The following L1TD1 variants were observed in gnomAD, a reference collection of about 807,000 sequenced individuals.
The protein encoded by L1TD1 is LINE1 type transposase domain containing 1.
A neutral mutation model predicts 25.7 loss-of-function variants in L1TD1; 26 were observed. That is an observed-to-expected ratio of 1.01 (90% CI 0.74 to 1.40). The LOEUF (loss-of-function observed/expected upper bound fraction) is 1.40. L1TD1 is among the 40% of genes most tolerant of loss of function. The pLI is 0.00. For synonymous variants in L1TD1, 421 were observed against 335.6 expected, an observed-to-expected ratio of 1.25 and a Z score of -2.78; for missense variants, 1,130 against 975.0, an observed-to-expected ratio of 1.16 and a Z score of -2.12.
intron 2 of L1TD1, among the ~76,000 whole-genome samples, chr1:62,198,747 C>T (rs1017996675): frequency 2.6e-4 from 40 of 151,660 alleles, no homozygotes; most frequent in Non-Finnish European, 5.3e-4. Context: ...CCTTTCCAAC[C>T]GGTGCTCTCC....
chr1:62,202,759 C>T (rs1208372397), intron 2 of L1TD1, among the ~76,000 whole-genome samples: 1 of 147,706 alleles, frequency 6.8e-6, no homozygotes, highest in Non-Finnish European at 1.5e-5. Flanking sequence ...TCCCAGCTCA[C>T]TGCAACCTCC....
chr1:62,203,926 A>G (rs1670688705), intron 2 of L1TD1, among the ~76,000 whole-genome samples: 1 of 152,006 alleles, frequency 6.6e-6, no homozygotes, highest in Admixed American at 6.6e-5. Flanking sequence ...GGGTTTCGCC[A>G]TCTCGGCCAG....
intron 2 of L1TD1, among the ~76,000 whole-genome samples, chr1:62,204,656 A>G (rs945766684): frequency 2.0e-5 from 3 of 152,030 alleles, no homozygotes; most frequent in Non-Finnish European, 4.4e-5. Flanking sequence ...ATTCCACCTT[A>G]ACCTCCCAGA....
rs1252928691 is a variant in L1TD1 at position 62,210,072 on chromosome 1, A to T, written c.1298A>T (p.Glu433Val). ...GAGGAGGATGAGGCCTCAGGGCTAGAGGAGGAAGAGGAACAGACTTCAGAA... is the reference window on the plus strand; with the variant it reads ...GAGGAGGATGAGGCCTCAGGGCTAGTGGAGGAAGAGGAACAGACTTCAGAA... ...GLEEDEASGL[E>V]EEEEQTSEQD... The change falls in exon 4 of 4, where the codon GAG (glutamate) becomes GTG (valine). Residue 433 changes from glutamate to valine, a missense_variant. Coordinates refer to ENST00000498273, the MANE Select transcript of L1TD1 (RefSeq NM_019079.5). 1 of 1,614,004 alleles carries T rather than the reference A, an allele frequency of 6.2e-7. No homozygotes were observed. The highest frequency in any genetic ancestry group is 8.5e-7 in the Non-Finnish European group (1 of 1,180,024).
intron 2 of L1TD1, among the ~76,000 whole-genome samples, chr1:62,197,396 A>AT (rs1376945855): frequency 6.1e-5 from 2 of 32,804 alleles, no homozygotes; most frequent in African/African-American, 3.0e-4. Flanking sequence ...AAAAAAATAA[A>AT]TTATATATAT....
At chr1:62,204,755 A>G (rs1242215492) in intron 2 of L1TD1, among the ~76,000 whole-genome samples, 1 of 151,942 alleles carries the variant, frequency 6.6e-6, no homozygotes, top group African/African-American at 2.4e-5. Context: ...CAAGAATGAC[A>G]TTTTAGCTGC....
At chr1:62,209,637 G>A (rs1332737656) in intron 3 of L1TD1, 146 bp from the exon 4 acceptor site, 1 of 726,450 alleles carries the variant, frequency 1.4e-6, no homozygotes, top group Non-Finnish European at 2.1e-6. Context: ...AGGCCTTCAA[G>A]AACAATTAAT....
chr1:62,195,239 C>T (rs904885378), intron 1 of L1TD1, among the ~76,000 whole-genome samples: 2 of 151,986 alleles, frequency 1.3e-5, no homozygotes, highest in East Asian at 3.9e-4. Context: ...CGAGGTGCCC[C>T]AGGCAAGGCT....
intron 1 of L1TD1, among the ~76,000 whole-genome samples, chr1:62,196,188 C>G (rs1036375801): frequency 1.3e-5 from 2 of 152,098 alleles, no homozygotes; most frequent in African/African-American, 4.8e-5. Flanking sequence ...ATAATAGACC[C>G]CAACTCTCAC....
At chr1:62,209,722 C>CTT in intron 3 of L1TD1, 61 bp from the exon 4 acceptor site, 2 of 1,291,484 alleles carry the variant, frequency 1.5e-6, no homozygotes, top group African/African-American at 1.5e-5. Context: ...AATTTTAATT[C>CTT]TTTAAAAGAC....
intron 2 of L1TD1, among the ~76,000 whole-genome samples, chr1:62,199,994 C>G (rs1316976050): frequency 6.6e-6 from 1 of 152,030 alleles, no homozygotes; most frequent in African/African-American, 2.4e-5. Context: ...TTGGATTGTA[C>G]TCTATATTTT....
In L1TD1 at chr1:62,210,047, G is replaced by A; in HGVS notation, c.1273G>A (p.Glu425Lys). Residue 425 changes from glutamate (E) to lysine (K), a missense_variant, in exon 4 of 4, where the codon GAG becomes AAG. By Grantham distance (56) the Glu-to-Lys change is moderately conservative (BLOSUM62 1). Transcript: ENST00000498273. ...AGAAGAAGAAGAGGCTTCAGGGTTG[G>A]AGGAGGATGAGGCCTCAGGGCTAGA... ...EEEEEEASGL[E>K]EDEASGLEEE... is the part of the protein sequence containing the mutation. 1 of 1,613,036 alleles carries A rather than the reference G, an allele frequency of 6.2e-7. No individual in the cohort carries two copies. Among genetic ancestry groups the A allele is most frequent in the Non-Finnish European group, 8.5e-7 (1 of 1,179,288 alleles).
intron 3 of L1TD1, among the ~76,000 whole-genome samples, chr1:62,208,941 G>T (rs150231684): frequency 1.3e-3 from 195 of 150,850 alleles, no homozygotes; most frequent in African/African-American, 4.7e-3. Flanking sequence ...TTTAATCTCA[G>T]AAATTAGCTG....
intron 2 of L1TD1, among the ~76,000 whole-genome samples, chr1:62,205,954 C>T (rs1319490035): frequency 6.6e-6 from 1 of 152,092 alleles, no homozygotes; most frequent in Non-Finnish European, 1.5e-5. Context: ...TGGTCTCGAA[C>T]TCCTGGGGTC....
rs115974655 is a variant in L1TD1 at position 62,210,222 on chromosome 1, A to G, written c.1448A>G (p.Glu483Gly). The change falls in exon 4 of 4, where the codon GAA becomes GGA. Residue 483 changes from glutamate to glycine, a missense_variant. By Grantham distance (98) the Glu-to-Gly change is moderately conservative. Transcript: ENST00000498273. ...VEDSESEEEEEGKSSETGKVK... is the reference protein window; with the variant it reads ...VEDSESEEEEGGKSSETGKVK... Reference sequence around the variant, plus strand: ...GATTCTGAATCAGAGGAGGAAGAAGAAGGAAAGAGCTCTGAAACAGGAAAG... The same window carrying G: ...GATTCTGAATCAGAGGAGGAAGAAGGAGGAAAGAGCTCTGAAACAGGAAAG... 3,439 of 1,614,010 alleles carry G rather than the reference A, an allele frequency of 2.1e-3. 64 individuals are homozygous for G. The African/African-American group carries it at 0.039, about 18-fold the overall frequency.
At chr1:62,201,474 C>T (rs990065963) in intron 2 of L1TD1, among the ~76,000 whole-genome samples, 1 of 135,592 alleles carries the variant, frequency 7.4e-6, no homozygotes, top group Non-Finnish European at 1.5e-5. Flanking sequence ...CCAACCTCGG[C>T]GAGTGAGACC....
chr1:62,200,199 G>A (rs966738360), intron 2 of L1TD1, among the ~76,000 whole-genome samples: 3 of 151,972 alleles, frequency 2.0e-5, no homozygotes, highest in Non-Finnish European at 2.9e-5. Context: ...TATTTGAGAC[G>A]GAGTTTCACT....
chr1:62,207,435 A>G lies in L1TD1; in HGVS notation c.807A>G (p.Glu269=). 1 of 1,550,854 alleles carries G rather than the reference A, an allele frequency of 6.4e-7. No individual in the cohort carries two copies. Among genetic ancestry groups the G allele is most frequent in the Non-Finnish European group, 8.7e-7 (1 of 1,146,620 alleles). Residue 269 remains glutamate, a synonymous_variant, in exon 3 of 4, where the codon GAA becomes GAG. Coordinates refer to ENST00000498273, the MANE Select transcript of L1TD1 (RefSeq NM_019079.5). Reference sequence around the variant, plus strand: ...GTAATGTCTTCAACATTCTGAGAGAAAATGATTTTGAACCTAAATTTCTGT... The same window carrying G: ...GTAATGTCTTCAACATTCTGAGAGAGAATGATTTTGAACCTAAATTTCTGT... The part of the protein sequence containing the change: ...QWSNVFNILR[E]NDFEPKFLCE...
chr1:62,199,218 C>T (rs1670597394), intron 2 of L1TD1, among the ~76,000 whole-genome samples: 1 of 152,150 alleles, frequency 6.6e-6, no homozygotes, highest in Non-Finnish European at 1.5e-5. Context: ...GCATTTGAGG[C>T]TGGGAGCAGT....
Sources: allele counts gnomAD v4.1 joint callset (sites outside exome capture counted in the v4.1 genomes callset), GRCh38; gene constraint gnomAD v4.1.1; transcripts MANE v1.5; gene names NCBI Gene and HGNC (gene_info 2026-07-23, HGNC 2026-07-21).